Variants in PBX1 observed in about 807,000 individuals in gnomAD.
PBX1 encodes PBX homeobox 1, also known as pre-B-cell leukemia transcription factor 1.
Under a neutral mutation model 53.4 loss-of-function variants are expected in PBX1, and 6 were observed. The observed-to-expected ratio is 0.11, with a 90% CI of 0.06 to 0.22. PBX1 has a LOEUF of 0.22. Ranked by LOEUF, PBX1 falls within the 10% of genes least tolerant of loss-of-function variation. The pLI is 1.00. For missense variants in PBX1, 251 were observed against 551.4 expected, an observed-to-expected ratio of 0.46 and a Z score of 5.46; for synonymous variants, 204 against 212.3, an observed-to-expected ratio of 0.96 and a Z score of 0.34.
chr1:164,740,188 G>A (rs1055129046), intron 2 of PBX1, among the ~76,000 whole-genome samples: 1 of 152,162 alleles, frequency 6.6e-6, no homozygotes, highest in Non-Finnish European at 1.5e-5. Flanking sequence ...AGTTGGCAGA[G>A]GCCAAGAGAG....
intron 6 of PBX1, chr1:164,818,696 G>A (rs1213368172): frequency 6.6e-6 from 1 of 151,214 alleles, no homozygotes; most frequent in African/African-American, 2.4e-5. Flanking sequence ...TCTCTAAATG[G>A]CTCTTGCCTT....
At chr1:164,808,473 GAGA>G (rs1571447020) in intron 5 of PBX1, among the ~76,000 whole-genome samples, 1 of 152,176 alleles carries the variant, frequency 6.6e-6, no homozygotes, top group African/African-American at 2.4e-5. Flanking sequence ...AAATCTATCG[GAGA>G]AGGTTTTTCT....
Position 164,849,151 on chromosome 1 carries a change from G to A in PBX1, c.*2475G>A. The A allele has an allele frequency of 7.2e-7, 1 of 1,391,264 alleles. No homozygotes were observed. Among genetic ancestry groups the A allele is most frequent in the Non-Finnish European group, 9.3e-7 (1 of 1,072,916 alleles). The allele number at this position is 1,391,264 out of a possible 1,614,324, so 86.2% of individuals were successfully genotyped here. A position where few individuals can be genotyped will look rare whatever the true frequency, so the allele number is the denominator to read the frequency against. ...CAAAGTACGAAAGAGAGACAAAAGG[G>A]TTCTCTTGGAAACAAGAAGAGTGAC... On this transcript the variant is annotated 3_prime_UTR_variant, in exon 9 of 9. Coordinates refer to ENST00000420696, the MANE Select transcript of PBX1 (RefSeq NM_002585.4).
rs768408673 is a variant in PBX1, at chr1:164,846,594, G to A, written c.1211G>A (p.Gly404Asp). ...YSPQGISANG[G>D]WQDATTPSSV... ...CTTTTTCCCTTCTAGGCTAATGGAG[G>A]TTGGCAGGATGCTACTACCCCTTCA... The change falls in exon 9 of 9, where the codon GGT (glycine) becomes GAT (aspartate). Residue 404 changes from glycine (G) to aspartate (D), a missense_variant. Transcript: ENST00000420696. 4 of 1,614,056 alleles carry A rather than the reference G, an allele frequency of 2.5e-6. No individual in the cohort carries two copies. The highest frequency in any genetic ancestry group is 3.4e-6 in the Non-Finnish European group (4 of 1,179,948).
At chr1:164,681,177 C>G (rs568341646) in intron 2 of PBX1, among the ~76,000 whole-genome samples, 4 of 151,966 alleles carry the variant, frequency 2.6e-5, no homozygotes, top group Non-Finnish European at 5.9e-5. Context: ...CCCAGGAGTT[C>G]GAGGCTATAG....
At chr1:164,590,254 T>C (rs1204376510) in intron 2 of PBX1, 2 of 425,604 alleles carry the variant, frequency 4.7e-6, no homozygotes, top group African/African-American at 4.2e-5. Flanking sequence ...ATAGAAGAAA[T>C]ACCTTGGCCA....
At chr1:164,749,435 G>T (rs1318547373) in intron 2 of PBX1, among the ~76,000 whole-genome samples, 2 of 152,102 alleles carry the variant, frequency 1.3e-5, no homozygotes. Flanking sequence ...GCCAGTCCTG[G>T]ATAGACACAG....
chr1:164,882,671 C>A (rs953454015), intron 2 of PBX1, among the ~76,000 whole-genome samples: 2 of 152,088 alleles, frequency 1.3e-5, no homozygotes, highest in African/African-American at 4.8e-5. Flanking sequence ...AACTCCTGGC[C>A]TCAAGTGATC....
chr1:164,594,218 C>T (rs1202517727), intron 2 of PBX1, among the ~76,000 whole-genome samples: 1 of 151,922 alleles, frequency 6.6e-6, no homozygotes, highest in Admixed American at 6.6e-5. Flanking sequence ...CGCAGAAGCA[C>T]AAGATGAAAC....
chr1:164,824,354 T>C (rs1293286213), intron 8 of PBX1, among the ~76,000 whole-genome samples: 1 of 152,216 alleles, frequency 6.6e-6, no homozygotes, highest in African/African-American at 2.4e-5. Context: ...TGGGCAAATA[T>C]TGAATCTCTC....
intron 4 of PBX1, among the ~76,000 whole-genome samples, chr1:164,801,732 A>T (rs1669084600): frequency 6.6e-6 from 1 of 152,210 alleles, no homozygotes; most frequent in Admixed American, 6.5e-5. Context: ...ACAACATTTG[A>T]ATCATTGCTT....
intron 2 of PBX1, among the ~76,000 whole-genome samples, chr1:164,884,786 A>G (rs1672739423): frequency 6.6e-6 from 1 of 152,210 alleles, no homozygotes; most frequent in African/African-American, 2.4e-5. Flanking sequence ...CCCCAAAGCA[A>G]TAATCTCTCT....
At chr1:164,675,556 C>G (rs922338278) in intron 2 of PBX1, among the ~76,000 whole-genome samples, 5 of 152,098 alleles carry the variant, frequency 3.3e-5, no homozygotes, top group Admixed American at 2.6e-4. Flanking sequence ...TGGGTGGGAA[C>G]TTTTTTCATC....
At chr1:164,712,681 C>T (rs1217633881) in intron 2 of PBX1, among the ~76,000 whole-genome samples, 2 of 152,134 alleles carry the variant, frequency 1.3e-5, no homozygotes, top group African/African-American at 2.4e-5. Context: ...GCTTCCAGTG[C>T]TCCGGGCTCC....
chr1:164,728,201 C>T (rs538102855), intron 2 of PBX1, among the ~76,000 whole-genome samples: 1 of 152,058 alleles, frequency 6.6e-6, no homozygotes, highest in Admixed American at 6.5e-5. Context: ...CCTGTAGTTC[C>T]AGCTAGTCTG....
intron 2 of PBX1, among the ~76,000 whole-genome samples, chr1:164,881,185 G>A (rs1558057789): frequency 6.6e-6 from 1 of 152,134 alleles, no homozygotes; most frequent in Non-Finnish European, 1.5e-5. Context: ...TTTTTCTGGG[G>A]GAGAACAGCT....
intron 2 of PBX1, among the ~76,000 whole-genome samples, chr1:164,648,414 C>G (rs932789606): frequency 1.3e-5 from 2 of 152,198 alleles, no homozygotes; most frequent in Non-Finnish European, 2.9e-5. Flanking sequence ...CTTTGGCCAC[C>G]TCCTCACTAG....
At chr1:164,690,795 C>CTGT (rs1391256489) in intron 2 of PBX1, among the ~76,000 whole-genome samples, 1 of 151,660 alleles carries the variant, frequency 6.6e-6, no homozygotes, top group Admixed American at 6.6e-5. Context: ...ATATGTTAAC[C>CTGT]TGTTTGATTT....
At chr1:164,746,157 C>A (rs985407857) in intron 2 of PBX1, among the ~76,000 whole-genome samples, 5 of 152,164 alleles carry the variant, frequency 3.3e-5, no homozygotes, top group Admixed American at 6.5e-5. Flanking sequence ...TTTTAAGTTT[C>A]AAAGTATGTA....
Sources: gnomAD v4.1 joint callset for allele counts (sites outside exome capture counted in the v4.1 genomes callset) on GRCh38, gnomAD v4.1.1 for gene constraint, MANE v1.5 for transcripts, NCBI Gene and HGNC (gene_info 2026-07-23, HGNC 2026-07-21) for gene names.